ZNF407: variants seen among roughly 807,000 people sequenced by gnomAD.
ZNF407 encodes the protein zinc finger protein 407.
In ZNF407, 17 loss-of-function variants were observed where a neutral mutation model predicts 131.2. The ratio of observed to expected loss-of-function variants is 0.13; its 90% confidence interval spans 0.09 to 0.19. ZNF407 has a LOEUF of 0.19. Among genes scored for constraint, ZNF407 ranks in the 10% least tolerant of loss-of-function variants. The pLI is 1.00. For synonymous variants in ZNF407, 1,156 were observed against 1,062.0 expected (o/e 1.09, Z -1.72); for missense variants, 2,681 against 2,830.6 (o/e 0.95, Z 1.20).
At chr18:74,727,182 G>A (rs1368433216) in intron 3 of ZNF407, among the ~76,000 whole-genome samples, 1 of 152,130 alleles carries the variant, frequency 6.6e-6, no homozygotes, top group Admixed American at 6.5e-5. Flanking sequence ...TCATGAAAAC[G>A]GTGAAGGATT....
chr18:74,607,682 G>A (rs533168223), intron 1 of ZNF407, among the ~76,000 whole-genome samples: 1 of 152,186 alleles, frequency 6.6e-6, no homozygotes, highest in African/African-American at 2.4e-5. Flanking sequence ...ATTAGTTCTG[G>A]TTTTGTGACT....
chr18:74,715,221 T>C (rs372233742), intron 3 of ZNF407, among the ~76,000 whole-genome samples: 2 of 152,374 alleles, frequency 1.3e-5, no homozygotes, highest in East Asian at 3.9e-4. Context: ...GCCTGTTCTC[T>C]GAAGACTTTC....
At chr18:74,805,041 T>G (rs568250383) in intron 4 of ZNF407, among the ~76,000 whole-genome samples, 1 of 152,182 alleles carries the variant, frequency 6.6e-6, no homozygotes, top group African/African-American at 2.4e-5. Context: ...AAATTAAAAG[T>G]TACCTTATAA....
At chr18:74,860,554 A>G (rs542349449) in intron 4 of ZNF407, among the ~76,000 whole-genome samples, 1 of 151,530 alleles carries the variant, frequency 6.6e-6, no homozygotes, top group African/African-American at 2.4e-5. Flanking sequence ...TATTTTCAGC[A>G]AGTTCATAAT....
chr18:74,770,107 A>G (rs1969329892), intron 3 of ZNF407, among the ~76,000 whole-genome samples: 1 of 152,214 alleles, frequency 6.6e-6, no homozygotes, highest in Admixed American at 6.5e-5. Flanking sequence ...GAAGCATACA[A>G]CAAAACTTGG....
At chr18:74,958,444 A>G (rs74813402) in intron 8 of ZNF407, among the ~76,000 whole-genome samples, 1 of 152,098 alleles carries the variant, frequency 6.6e-6, no homozygotes, top group Non-Finnish European at 1.5e-5. Context: ...CCTGAGCTGC[A>G]TTGGCCATGA....
At chr18:74,930,926 G>A (rs536252893) in intron 8 of ZNF407, among the ~76,000 whole-genome samples, 373 of 152,312 alleles carry the variant, frequency 2.4e-3, no homozygotes, top group African/African-American at 8.5e-3. Flanking sequence ...TATATACACT[G>A]TGTGGACTCA....
chr18:74,768,229 A>G (rs1969285556), intron 3 of ZNF407, among the ~76,000 whole-genome samples: 1 of 152,152 alleles, frequency 6.6e-6, no homozygotes, highest in South Asian at 2.1e-4. Flanking sequence ...TTGATTACCC[A>G]AGAACATTTC....
At chr18:74,839,579 A>C (rs1970604033) in intron 4 of ZNF407, among the ~76,000 whole-genome samples, 1 of 152,200 alleles carries the variant, frequency 6.6e-6, no homozygotes, top group Non-Finnish European at 1.5e-5. Context: ...ACATCTACAA[A>C]TACCTTTAGA....
intron 3 of ZNF407, among the ~76,000 whole-genome samples, chr18:74,700,876 C>T (rs1020384205): frequency 2.6e-5 from 4 of 152,208 alleles, no homozygotes; most frequent in South Asian, 4.2e-4. Context: ...ATTAGTATTC[C>T]GGTGGTACCA....
intron 4 of ZNF407, among the ~76,000 whole-genome samples, chr18:74,849,607 C>T (rs1207074243): frequency 6.6e-6 from 1 of 152,136 alleles, no homozygotes; most frequent in East Asian, 1.9e-4. Context: ...AGTAGCGGTG[C>T]CCTGTCCGCT....
intron 7 of ZNF407, among the ~76,000 whole-genome samples, chr18:74,903,175 T>G (rs745607597): frequency 2.0e-5 from 3 of 152,206 alleles, no homozygotes; most frequent in Non-Finnish European, 4.4e-5. Context: ...ATTATTAGAT[T>G]GTCCCAAGTG....
At chr18:74,642,916 C>T (rs1185446863) in intron 3 of ZNF407, among the ~76,000 whole-genome samples, 1 of 152,024 alleles carries the variant, frequency 6.6e-6, no homozygotes, top group African/African-American at 2.4e-5. Flanking sequence ...TGTATTTTTA[C>T]AATGAAATTT....
intron 8 of ZNF407, among the ~76,000 whole-genome samples, chr18:74,984,232 C>T (rs1017009382): frequency 6.6e-5 from 10 of 152,150 alleles, no homozygotes; most frequent in Admixed American, 5.2e-4. Context: ...CCTAAGCCTG[C>T]GCTGCCCCTC....
chr18:74,629,027 T>A (rs897985164), intron 1 of ZNF407, among the ~76,000 whole-genome samples: 1 of 152,158 alleles, frequency 6.6e-6, no homozygotes, highest in Non-Finnish European at 1.5e-5. Context: ...TGCATACAAG[T>A]TTTTGGGTGG....
chr18:74,919,469 C>G (rs1214320981), intron 7 of ZNF407, among the ~76,000 whole-genome samples: 1 of 152,162 alleles, frequency 6.6e-6, no homozygotes, highest in Non-Finnish European at 1.5e-5. Flanking sequence ...TCATGGGAAT[C>G]TTTCTTCTAA....
At chr18:74,857,185 G>C (rs1240460882) in intron 4 of ZNF407, among the ~76,000 whole-genome samples, 1 of 152,174 alleles carries the variant, frequency 6.6e-6, no homozygotes, top group Non-Finnish European at 1.5e-5. Flanking sequence ...ATGTACACCA[G>C]CAGCAATGAC....
intron 8 of ZNF407, among the ~76,000 whole-genome samples, chr18:74,966,131 A>G (rs1424291475): frequency 1.3e-5 from 2 of 151,980 alleles, no homozygotes; most frequent in Non-Finnish European, 2.9e-5. Context: ...CACTTTGTTG[A>G]TTGTTTTCTT....
In ZNF407 at chr18:75,064,422, C is replaced by T. The variant is rs867384822; in HGVS notation, c.6701C>T (p.Ala2234Val). ...ACCCAGGAGGGCTCCTCGGCCGCGG[C>T]GGCAATTCAGAGCCAAAGAGAAAGC... ...IYTQEGSSAA[A>V]AIQSQRESSE... Residue 2234 changes from alanine to valine, a missense_variant, in exon 9 of 9, where the codon GCG becomes GTG. This residue lies in a region of ZNF407 where 620 missense variants were observed against 583.1 expected (regional missense o/e 1.06). Transcript: ENST00000299687. The T allele has an allele frequency of 5.9e-6, 9 of 1,520,176 alleles. No homozygotes were observed. Among genetic ancestry groups the T allele is most frequent in the Admixed American group, 4.5e-5 (2 of 44,680 alleles). 94.2% of individuals were successfully genotyped at this position (1,520,176 alleles called of 1,614,324 possible). A position where few individuals can be genotyped will look rare whatever the true frequency, so the allele number is the denominator to read the frequency against.
Sources: gnomAD v4.1 joint callset for allele counts (sites outside exome capture counted in the v4.1 genomes callset) on GRCh38, gnomAD v4.1.1 for gene constraint, gnomAD v4.1.1 regional missense constraint, MANE v1.5 for transcripts, NCBI Gene and HGNC (gene_info 2026-07-23, HGNC 2026-07-21) for gene names.